IRAG2: variants seen among roughly 807,000 people sequenced by gnomAD.
The protein encoded by IRAG2 is inositol 1,4,5-triphosphate receptor associated 2, also known as lymphoid restricted membrane protein.
In IRAG2, 45 loss-of-function variants were observed where a neutral mutation model predicts 69.9. The observed-to-expected ratio is 0.64, with a 90% CI of 0.51 to 0.83. The LOEUF (loss-of-function observed/expected upper bound fraction) is 0.83. Ranked by LOEUF, IRAG2 falls within the 40% of genes least tolerant of loss-of-function variation. The probability of loss-of-function intolerance (pLI) is 0.00; values close to 1 mark genes in which losing one functional copy is unlikely to be tolerated. For synonymous variants in IRAG2, 193 were observed against 202.4 expected, an observed-to-expected ratio of 0.95 and a Z score of 0.40; for missense variants, 520 against 587.0, an observed-to-expected ratio of 0.89 and a Z score of 1.18.
At chr12:25,054,153 T>C (rs975530705) in intron 1 of IRAG2, among the ~76,000 whole-genome samples, 5 of 152,212 alleles carry the variant, frequency 3.3e-5, no homozygotes, top group Admixed American at 6.5e-5. Flanking sequence ...TAAACCTTTA[T>C]TGAATTTGCC....
chr12:25,062,319 G>T (rs1041206730), intron 2 of IRAG2, among the ~76,000 whole-genome samples: 3 of 152,136 alleles, frequency 2.0e-5, no homozygotes, highest in African/African-American at 7.2e-5. Context: ...AAACCATGTG[G>T]AAGATTAAGC....
intron 1 of IRAG2, chr12:25,005,168 CAAAA>C: frequency 3.0e-6 from 2 of 668,316 alleles, no homozygotes; most frequent in Non-Finnish European, 4.1e-6. Flanking sequence ...TTTGTTAAAC[CAAAA>C]AAAAAAAAGG....
chr12:25,026,915 GTAT>G, intron 9 of IRAG2: 1 of 974,144 alleles, frequency 1.0e-6, no homozygotes, highest in Non-Finnish European at 1.3e-6. Context: ...TGTCAAACCA[GTAT>G]TATTTTATGA....
At chr12:25,068,160 A>G (rs564925289) in intron 5 of IRAG2, among the ~76,000 whole-genome samples, 42 of 152,192 alleles carry the variant, frequency 2.8e-4, no homozygotes, top group African/African-American at 8.7e-4. Context: ...TCACAGAGAC[A>G]AGGTTTCTCC....
intron 6 of IRAG2, among the ~76,000 whole-genome samples, chr12:25,074,783 A>C (rs10842460): frequency 0.32 from 49,287 of 152,064 alleles, 8,591 homozygotes; most frequent in East Asian, 0.66. Flanking sequence ...CCAAATATTA[A>C]GTGTCTTGTC....
At chr12:25,026,465 G>A (rs1243681701) in intron 8 of IRAG2, among the ~76,000 whole-genome samples, 1 of 152,172 alleles carries the variant, frequency 6.6e-6, no homozygotes, top group African/African-American at 2.4e-5. Context: ...TGGGAAGGTT[G>A]AAGGATAATG....
At chr12:25,087,375 C>T (rs1947698657) in intron 10 of IRAG2, among the ~76,000 whole-genome samples, 1 of 151,776 alleles carries the variant, frequency 6.6e-6, no homozygotes, top group South Asian at 2.1e-4. Flanking sequence ...GCCATGTTGG[C>T]CAGGCTGGTC....
chr12:25,039,073 C>T (rs1180815007), intron 16 of IRAG2, among the ~76,000 whole-genome samples: 2 of 152,196 alleles, frequency 1.3e-5, no homozygotes, highest in Non-Finnish European at 2.9e-5. Flanking sequence ...GTGATTATAT[C>T]TTTTGTTAAC....
intron 16 of IRAG2, among the ~76,000 whole-genome samples, chr12:25,042,505 C>T (rs150754991): frequency 2.8e-4 from 43 of 152,094 alleles, no homozygotes; most frequent in South Asian, 6.2e-4. Context: ...CTCGCTCTGT[C>T]GCCAGGGTGG....
intron 9 of IRAG2, among the ~76,000 whole-genome samples, chr12:25,080,318 A>AAT (rs1565567291): frequency 6.6e-6 from 1 of 152,042 alleles, no homozygotes; most frequent in African/African-American, 2.4e-5. Flanking sequence ...CCCATAAAAA[A>AAT]AAATCAATCA....
At chr12:25,041,989 G>A (rs867428875) in intron 16 of IRAG2, among the ~76,000 whole-genome samples, 156 of 144,630 alleles carry the variant, frequency 1.1e-3, no homozygotes, top group African/African-American at 3.9e-3. Flanking sequence ...GTGTGTGTGT[G>A]TGTATGTGTA....
chr12:25,053,033 A>G (rs771654157), intron 1 of IRAG2, 77 bp downstream of exon 1: 5 of 397,664 alleles, frequency 1.3e-5, no homozygotes, highest in Non-Finnish European at 2.2e-5. Flanking sequence ...ACATTTTTCT[A>G]GATTACAGCT....
intron 16 of IRAG2, among the ~76,000 whole-genome samples, chr12:25,043,160 G>A (rs1944764467): frequency 6.6e-6 from 1 of 152,194 alleles, no homozygotes; most frequent in African/African-American, 2.4e-5. Context: ...CCTGAATCCT[G>A]AGTGAGAGTG....
chr12:25,063,269 G>C (rs982958276), intron 3 of IRAG2, among the ~76,000 whole-genome samples: 11 of 152,160 alleles, frequency 7.2e-5, no homozygotes, highest in African/African-American at 2.4e-4. Context: ...CCCCATGTTG[G>C]CCAGGCTGGT....
chr12:25,017,062 A>G, intron 5 of IRAG2: 7 of 1,171,768 alleles, frequency 6.0e-6, no homozygotes, highest in Non-Finnish European at 6.4e-6. Flanking sequence ...TGGTTTGTTT[A>G]ACCGTATACC....
chr12:25,004,734 T>G lies in IRAG2; in HGVS notation c.393T>G (p.Tyr131Ter), dbSNP rs1039309179. The G allele has an allele frequency of 8.1e-7, 1 of 1,232,188 alleles. No homozygotes were observed. Among genetic ancestry groups the G allele is most frequent in the South Asian group, 4.1e-5 (1 of 24,320 alleles). The allele number at this position is 1,232,188 out of a possible 1,614,324, so 76.3% of individuals were successfully genotyped here. A position where few individuals can be genotyped will look rare whatever the true frequency, so the allele number is the denominator to read the frequency against. Residue 131 changes from tyrosine to a stop codon, truncating the protein, a stop_gained, in exon 1 of 39, where the codon TAT becomes TAG. Transcript: ENST00000636465. LOFTEE classifies it high-confidence loss of function. ...CGAAGTCACAGAGCAACAAGAATTA[T>G]ACATCTTTGATGTCACAGATCAGAA... is the stretch of plus-strand genomic sequence containing the variant.
intron 1 of IRAG2, among the ~76,000 whole-genome samples, chr12:25,056,910 T>C (rs1210560628): frequency 6.6e-6 from 1 of 152,174 alleles, no homozygotes; most frequent in Admixed American, 6.5e-5. Context: ...AGAGTCACTC[T>C]GGGTTCTACA....
chr12:25,021,915 A>G (rs1018264067), intron 7 of IRAG2, among the ~76,000 whole-genome samples: 3 of 152,196 alleles, frequency 2.0e-5, no homozygotes, highest in East Asian at 1.9e-4. Context: ...CTGCAAGTCT[A>G]TATGGATGCA....
chr12:25,019,195 G>T (rs1463731026), intron 6 of IRAG2, among the ~76,000 whole-genome samples: 1 of 152,128 alleles, frequency 6.6e-6, no homozygotes, highest in African/African-American at 2.4e-5. Flanking sequence ...AGCCCCAGAG[G>T]GCATGTGTTA....
Sources: allele counts gnomAD v4.1 joint callset (sites outside exome capture counted in the v4.1 genomes callset), GRCh38; gene constraint gnomAD v4.1.1; transcripts MANE v1.5; gene names NCBI Gene and HGNC (gene_info 2026-07-23, HGNC 2026-07-21).